ZZZ3: variants seen among roughly 807,000 people sequenced by gnomAD.
ZZZ3 encodes the protein ZZ-type zinc finger-containing protein 3.
Under a neutral mutation model 95.2 loss-of-function variants are expected in ZZZ3, and 22 were observed. The ratio of observed to expected loss-of-function variants is 0.23; its 90% confidence interval spans 0.17 to 0.33. The LOEUF (loss-of-function observed/expected upper bound fraction) is 0.33, where lower values mean the gene tolerates loss of function less well. Among genes scored for constraint, ZZZ3 ranks in the 10% least tolerant of loss-of-function variants. The pLI, the probability that ZZZ3 is intolerant of heterozygous loss-of-function variation, is 1.00. For synonymous variants in ZZZ3, 335 were observed against 358.9 expected, an observed-to-expected ratio of 0.93 and a Z score of 0.75; for missense variants, 885 against 1,066.5, an observed-to-expected ratio of 0.83 and a Z score of 2.37.
chr1:77,672,167 T>A (rs1570669510), intron 1 of ZZZ3, among the ~76,000 whole-genome samples: 1 of 152,332 alleles, frequency 6.6e-6, no homozygotes, highest in East Asian at 1.9e-4. Flanking sequence ...AATGAGATTC[T>A]GATATTCAGA....
At chr1:77,650,919 T>C (rs1338552291) in intron 1 of ZZZ3, among the ~76,000 whole-genome samples, 1 of 152,196 alleles carries the variant, frequency 6.6e-6, no homozygotes, top group Non-Finnish European at 1.5e-5. Context: ...TATAGATATT[T>C]TCACAACAAG....
intron 1 of ZZZ3, among the ~76,000 whole-genome samples, chr1:77,672,367 T>G (rs1671864161): frequency 6.6e-6 from 1 of 152,218 alleles, no homozygotes; most frequent in Non-Finnish European, 1.5e-5. Context: ...AATCTGCATT[T>G]GTAAAATTCC....
chr1:77,586,701 T>G (rs1043964428), intron 5 of ZZZ3, among the ~76,000 whole-genome samples: 2 of 152,156 alleles, frequency 1.3e-5, no homozygotes, highest in African/African-American at 4.8e-5. Context: ...TGATAAACAT[T>G]GGTAAAGTCT....
At chr1:77,648,894 G>T (rs1669544794) in intron 1 of ZZZ3, among the ~76,000 whole-genome samples, 1 of 152,118 alleles carries the variant, frequency 6.6e-6, no homozygotes, top group Non-Finnish European at 1.5e-5. Context: ...ACTTTGTGAG[G>T]CCAAGGAAGG....
intron 1 of ZZZ3, among the ~76,000 whole-genome samples, chr1:77,658,178 C>CAAAAAAA (rs1186224710): frequency 7.9e-5 from 6 of 76,312 alleles, no homozygotes; most frequent in East Asian, 4.4e-4. Flanking sequence ...GACTTTGTCT[C>CAAAAAAA]AAAAAAAAAA....
At position 77,641,601 on chromosome 1, in the gene ZZZ3, C is replaced by T. The variant is rs1356045344; in HGVS notation, c.-348G>A. ...TCATCACTGTTAATTGTCCATGTTA[C>T]ACTGAGACTTCAGGTATTATTTATT... On this transcript the variant is annotated 5_prime_UTR_variant, in exon 2 of 15. Coordinates refer to ENST00000370801, the MANE Select transcript of ZZZ3 (RefSeq NM_015534.6). 7.5e-6 allele frequency: 3 copies of T among 398,082 alleles called. No homozygotes were observed. Among genetic ancestry groups the T allele is most frequent in the African/African-American group, 6.2e-5 (3 of 48,602 alleles). 24.7% of individuals were successfully genotyped at this position (398,082 alleles called of 1,614,324 possible). A position where few individuals can be genotyped will look rare whatever the true frequency, so the allele number is the denominator to read the frequency against.
chr1:77,632,483 T>A lies in ZZZ3; in HGVS notation c.872A>T (p.His291Leu), dbSNP rs1332214967. ...TGGCTCAGTAGTCAGCTGATTAACATGTTCCACAGGCAAGCAGGCAGTTAC... is the reference window on the plus strand; with the variant it reads ...TGGCTCAGTAGTCAGCTGATTAACAAGTTCCACAGGCAAGCAGGCAGTTAC... ...KIVTACLPVE[H>L]VNQLTTEPAT... is the part of the protein sequence containing the mutation. Residue 291 changes from histidine to leucine, a missense_variant, in exon 5 of 15, where the codon CAT (histidine) becomes CTT (leucine). His to Leu is a moderately conservative substitution (Grantham distance 99). Around this residue, in one of 5 missense-constraint regions of ZZZ3, gnomAD observed 556 missense variants for 652.9 expected, o/e 0.85. Transcript: ENST00000370801. 1.9e-6 allele frequency: 3 copies of A among 1,614,208 alleles called. No homozygotes were observed. The South Asian group carries it at 3.3e-5, about 18-fold the overall frequency.
intron 5 of ZZZ3, among the ~76,000 whole-genome samples, chr1:77,601,626 C>T (rs1454071225): frequency 6.6e-6 from 1 of 152,130 alleles, no homozygotes; most frequent in African/African-American, 2.4e-5. Flanking sequence ...AATTCACTGG[C>T]AGTAGGCTTA....
chr1:77,599,524 A>G (rs1336029389), intron 5 of ZZZ3, among the ~76,000 whole-genome samples: 2 of 152,040 alleles, frequency 1.3e-5, no homozygotes, highest in Non-Finnish European at 2.9e-5. Flanking sequence ...TTATTTACAA[A>G]TACTAATTTA....
chr1:77,642,629 T>C (rs1668883493), intron 1 of ZZZ3, among the ~76,000 whole-genome samples: 1 of 151,302 alleles, frequency 6.6e-6, no homozygotes, highest in African/African-American at 2.4e-5. Context: ...TGGTTGTGTG[T>C]GTCTGTAGTC....
At chr1:77,650,610 A>C (rs1035520584) in intron 1 of ZZZ3, among the ~76,000 whole-genome samples, 1 of 151,984 alleles carries the variant, frequency 6.6e-6, no homozygotes, top group African/African-American at 2.4e-5. Flanking sequence ...AGCAGTAAAC[A>C]TGTGTTAGAA....
intron 6 of ZZZ3, 82 bp from the exon 7 acceptor site, chr1:77,582,208 G>A: frequency 7.6e-7 from 1 of 1,318,782 alleles, no homozygotes; most frequent in Non-Finnish European, 1.0e-6. Flanking sequence ...CAAATTTTCA[G>A]ATGACTCCAA....
At chr1:77,574,144 ATATATATAGATT>A (rs1045967985) in intron 12 of ZZZ3, among the ~76,000 whole-genome samples, 18 of 148,130 alleles carry the variant, frequency 1.2e-4, no homozygotes, top group Non-Finnish European at 2.5e-4. Flanking sequence ...TTACATATAG[ATATATATAGATT>A]TATATATAGA....
chr1:77,643,172 A>G (rs1400018031), intron 1 of ZZZ3, among the ~76,000 whole-genome samples: 6 of 146,538 alleles, frequency 4.1e-5, no homozygotes, highest in Admixed American at 2.7e-4. Flanking sequence ...GGTAACAAAG[A>G]AAAAAAAAAA....
At position 77,632,079 on chromosome 1, in the gene ZZZ3, A is replaced by T; in HGVS notation, c.1276T>A (p.Ser426Thr). The T allele has an allele frequency of 6.2e-7, 1 of 1,614,036 alleles. No individual in the cohort carries two copies. Among genetic ancestry groups the T allele is most frequent in the Non-Finnish European group, 8.5e-7 (1 of 1,179,966 alleles). Residue 426 changes from serine (S) to threonine (T), a missense_variant, in exon 5 of 15, where the codon TCT becomes ACT. This residue lies in a region of ZZZ3 where 556 missense variants were observed against 652.9 expected (regional missense o/e 0.85). Transcript: ENST00000370801. ...NATVSDNVSQ[S>T]PTNPGEISQN... ...GAAATTTCACCAGGATTTGTAGGAGATTGACTTACATTATCACTAACAGTT... is the reference window on the plus strand; with the variant it reads ...GAAATTTCACCAGGATTTGTAGGAGTTTGACTTACATTATCACTAACAGTT...
intron 5 of ZZZ3, among the ~76,000 whole-genome samples, chr1:77,607,787 T>C (rs1256162596): frequency 6.6e-6 from 1 of 151,752 alleles, no homozygotes; most frequent in Non-Finnish European, 1.5e-5. Flanking sequence ...CTGGGTGTGG[T>C]GGCACGTGCC....
At chr1:77,590,025 C>T (rs1278071844) in intron 5 of ZZZ3, among the ~76,000 whole-genome samples, 3 of 152,150 alleles carry the variant, frequency 2.0e-5, no homozygotes, top group East Asian at 1.9e-4. Context: ...ATCAAGGACA[C>T]TCTGCCAAAA....
At chr1:77,610,136 TAA>T (rs34927182) in intron 5 of ZZZ3, among the ~76,000 whole-genome samples, 1 of 140,174 alleles carries the variant, frequency 7.1e-6, no homozygotes, top group Non-Finnish European at 1.5e-5. Flanking sequence ...AAATCAGAGA[TAA>T]AAAAAAAAAA....
Position 77,632,278 on chromosome 1 carries a change from G to A in ZZZ3, c.1077C>T (p.Asp359=). 1 of 1,614,126 alleles carries A rather than the reference G, an allele frequency of 6.2e-7. No homozygotes were observed. Among genetic ancestry groups the A allele is most frequent in the Non-Finnish European group, 8.5e-7 (1 of 1,180,024 alleles). Residue 359 remains aspartate (D), a synonymous_variant, in exon 5 of 15, where the codon GAC becomes GAT. Coordinates refer to ENST00000370801, the MANE Select transcript of ZZZ3 (RefSeq NM_015534.6). ...AAGACATCATTTGAGCTGAAACACAGTCTAGAACAGGAGATGGTTCAGGTT... is the reference window on the plus strand; with the variant it reads ...AAGACATCATTTGAGCTGAAACACAATCTAGAACAGGAGATGGTTCAGGTT... ...SGEPEPSPVL[D]CVSAQMMSLS...
Sources: allele counts gnomAD v4.1 joint callset (sites outside exome capture counted in the v4.1 genomes callset), GRCh38; gene constraint gnomAD v4.1.1; regional missense constraint gnomAD v4.1.1; transcripts MANE v1.5; gene names NCBI Gene and HGNC (gene_info 2026-07-23, HGNC 2026-07-21).